Variants in NBN observed in about 807,000 individuals in gnomAD.
The protein encoded by NBN is Nijmegen breakage syndrome 1 (nibrin).
Under a neutral mutation model 90.8 loss-of-function variants are expected in NBN, and 88 were observed. That is an observed-to-expected ratio of 0.97 (90% CI 0.82 to 1.16). NBN has a LOEUF of 1.16. NBN is among the 50% of genes most tolerant of loss of function. The pLI is 0.00. For synonymous variants in NBN, 328 were observed against 295.1 expected, an observed-to-expected ratio of 1.11 and a Z score of -1.14; for missense variants, 894 against 869.6, an observed-to-expected ratio of 1.03 and a Z score of -0.35.
intron 13 of NBN, among the ~76,000 whole-genome samples, chr8:89,944,495 C>G (rs1461205348): frequency 6.6e-6 from 1 of 152,202 alleles, no homozygotes; most frequent in African/African-American, 2.4e-5. Flanking sequence ...TGAGGCACCC[C>G]TCTGCATTCT....
chr8:89,942,482 A>C (rs1441687329), intron 14 of NBN, among the ~76,000 whole-genome samples: 1 of 152,234 alleles, frequency 6.6e-6, no homozygotes, highest in Non-Finnish European at 1.5e-5. Context: ...AAAAATCACA[A>C]AGCACAAACT....
At chr8:89,949,814 A>C (rs1212687896) in intron 11 of NBN, among the ~76,000 whole-genome samples, 3 of 152,182 alleles carry the variant, frequency 2.0e-5, no homozygotes, top group Non-Finnish European at 2.9e-5. Flanking sequence ...TGTTTAAATG[A>C]AAGGATTAAG....
At chr8:89,937,254 A>G in intron 14 of NBN, 179 bp from the exon 15 acceptor site, 1 of 617,012 alleles carries the variant, frequency 1.6e-6, no homozygotes, top group Non-Finnish European at 2.9e-6. Context: ...AATCCATGCT[A>G]AGATTATTAC....
At chr8:89,969,977 G>A (rs944769010) in intron 7 of NBN, among the ~76,000 whole-genome samples, 3 of 144,762 alleles carry the variant, frequency 2.1e-5, no homozygotes, top group Admixed American at 6.9e-5. Context: ...GGCCAGGCAC[G>A]GTGGCTCATA....
intron 14 of NBN, among the ~76,000 whole-genome samples, chr8:89,940,072 T>C (rs771311647): frequency 1.3e-5 from 2 of 152,086 alleles, no homozygotes; most frequent in African/African-American, 2.4e-5. Context: ...TTCTGTTCTT[T>C]AATTTTTATT....
intron 5 of NBN, among the ~76,000 whole-genome samples, chr8:89,972,241 T>C (rs1399483283): frequency 6.6e-6 from 1 of 152,240 alleles, no homozygotes; most frequent in African/African-American, 2.4e-5. Flanking sequence ...AACATACATA[T>C]TTCATAAAGT....
intron 5 of NBN, among the ~76,000 whole-genome samples, chr8:89,971,636 A>G (rs1811522537): frequency 6.6e-6 from 1 of 152,226 alleles, no homozygotes; most frequent in Non-Finnish European, 1.5e-5. Context: ...CATAAAGATC[A>G]AATTCTATTA....
At chr8:89,946,457 T>C (rs1024216153) in intron 12 of NBN, 162 bp from the exon 13 acceptor site, 11 of 640,264 alleles carry the variant, frequency 1.7e-5, no homozygotes, top group African/African-American at 1.5e-4. Flanking sequence ...AAATTGTAGC[T>C]AATTCAAGAT....
chr8:89,976,291 G>T (rs890575815), intron 5 of NBN, among the ~76,000 whole-genome samples: 2 of 152,188 alleles, frequency 1.3e-5, no homozygotes, highest in African/African-American at 4.8e-5. Flanking sequence ...ATATTTGCAG[G>T]AGTTCAGTCA....
At chr8:89,970,696 T>C (rs1811475304) in intron 6 of NBN, 139 bp from the exon 7 acceptor site, 10 of 820,410 alleles carry the variant, frequency 1.2e-5, no homozygotes, top group South Asian at 1.1e-4. Context: ...AGCTTCCACT[T>C]TGAGAAAGTC....
intron 11 of NBN, among the ~76,000 whole-genome samples, chr8:89,950,716 T>C (rs1810406432): frequency 6.7e-6 from 1 of 150,184 alleles, no homozygotes; most frequent in Non-Finnish European, 1.5e-5. Flanking sequence ...CATATCGTTA[T>C]ACCTCATATA....
rs863224392 is a variant in NBN at position 89,982,862 on chromosome 8, T to C, written c.38-7A>G. 2.0e-5 allele frequency: 32 copies of C among 1,612,690 alleles called. No individual in the cohort carries two copies. The highest frequency in any genetic ancestry group is 2.5e-5 in the Non-Finnish European group (29 of 1,179,158). On this transcript the variant is annotated splice_region_variant and splice_polypyrimidine_tract_variant and intron_variant, in intron 1 of 15. Coordinates refer to ENST00000265433, the MANE Select transcript of NBN (RefSeq NM_002485.5). Reference sequence around the variant, plus strand: ...AAAAGTCTGTATGGTTCTCCTGAGATAAATTTTTTTTTAAAAAAAGATAAG... The same window carrying C: ...AAAAGTCTGTATGGTTCTCCTGAGACAAATTTTTTTTTAAAAAAAGATAAG...
At chr8:89,949,395 GA>G (rs774865759) in intron 11 of NBN, among the ~76,000 whole-genome samples, 1 of 152,092 alleles carries the variant, frequency 6.6e-6, no homozygotes, top group Non-Finnish European at 1.5e-5. Context: ...ACTGGGTATT[GA>G]AAAAATGCTA....
Position 89,937,043 on chromosome 8 carries a change from A to T in NBN, c.2217T>A (p.Leu739=). ...AACTTTACCTAAAAAGATCATCAGCAAGAGACTCTTCTTTTGCATGTTGAT... is the reference window on the plus strand; with the variant it reads ...AACTTTACCTAAAAAGATCATCAGCTAGAGACTCTTCTTTTGCATGTTGAT... The part of the protein sequence containing the change: ...VQNQHAKEES[L]ADDLFRYNPY... Residue 739 remains leucine, a synonymous_variant, in exon 15 of 16, where the codon CTT becomes CTA. Transcript: ENST00000265433. The T allele has an allele frequency of 6.2e-7, 1 of 1,612,276 alleles. No individual in the cohort carries two copies. The highest frequency in any genetic ancestry group is 8.5e-7 in the Non-Finnish European group (1 of 1,178,868).
At chr8:89,936,048 C>G in intron 15 of NBN, 1 of 369,836 alleles carries the variant, frequency 2.7e-6, no homozygotes, top group Non-Finnish European at 5.2e-6. Flanking sequence ...AACAACCCAT[C>G]TCATTTGACT....
At chr8:89,944,130 G>C (rs973767857) in intron 13 of NBN, among the ~76,000 whole-genome samples, 7 of 152,136 alleles carry the variant, frequency 4.6e-5, no homozygotes, top group African/African-American at 1.7e-4. Context: ...CTGTCACCTA[G>C]GCTGGAGAGT....
intron 1 of NBN, 70 bp downstream of exon 1, chr8:89,984,455 A>C (rs1812233974): frequency 6.9e-7 from 1 of 1,445,484 alleles, no homozygotes; most frequent in Non-Finnish European, 9.6e-7. Context: ...CGCAGGAATC[A>C]CCCGCAGGCC....
chr8:89,964,590 C>T (rs1586076504), intron 7 of NBN, 83 bp from the exon 8 acceptor site: 1 of 1,326,514 alleles, frequency 7.5e-7, no homozygotes, highest in Non-Finnish European at 1.1e-6. Flanking sequence ...AAAGCAACCT[C>T]TTTTTTTTCC....
rs1809532225 is a variant in NBN at position 89,933,529 on chromosome 8, G to A, written c.*2053C>T. Reference sequence around the variant, plus strand: ...ACTAATTGGCAAGGTAATTTAATGAGGAAAGGATAATTCTTTCAATAAACA... The same window carrying A: ...ACTAATTGGCAAGGTAATTTAATGAAGAAAGGATAATTCTTTCAATAAACA... On this transcript the variant is annotated 3_prime_UTR_variant, in exon 16 of 16. Coordinates refer to ENST00000265433, the MANE Select transcript of NBN (RefSeq NM_002485.5). The A allele has an allele frequency of 4.3e-6, 1 of 230,848 alleles. No individual in the cohort carries two copies. Among genetic ancestry groups the A allele is most frequent in the Non-Finnish European group, 8.6e-6 (1 of 116,766 alleles). The allele number at this position is 230,848 out of a possible 1,614,324, so 14.3% of individuals were successfully genotyped here. A position where few individuals can be genotyped will look rare whatever the true frequency, so the allele number is the denominator to read the frequency against.
Sources: allele counts gnomAD v4.1 joint callset (sites outside exome capture counted in the v4.1 genomes callset), GRCh38; gene constraint gnomAD v4.1.1; transcripts MANE v1.5; gene names NCBI Gene and HGNC (gene_info 2026-07-23, HGNC 2026-07-21).